The following KRABD5 variants were observed in gnomAD, a reference collection of about 807,000 sequenced individuals.
The protein encoded by KRABD5 is KRAB domain-containing protein 5.
the KRABD5 span, among the ~76,000 whole-genome samples, chr16:31,753,020 T>C: frequency 1.3e-5 from 2 of 152,322 alleles, no homozygotes; most frequent in Non-Finnish European, 2.9e-5. Flanking sequence ...GTTACTTTGA[T>C]GTCTTGTGAT....
the KRABD5 span, among the ~76,000 whole-genome samples, chr16:31,735,001 G>C: frequency 6.6e-6 from 1 of 151,908 alleles, no homozygotes; most frequent in Non-Finnish European, 1.5e-5. Flanking sequence ...CACCCCTCTT[G>C]GCCTCGCAAA....
the KRABD5 span, among the ~76,000 whole-genome samples, chr16:31,749,969 A>C: frequency 6.6e-6 from 1 of 152,188 alleles, no homozygotes; most frequent in African/African-American, 2.4e-5. Flanking sequence ...AAGTTGGATA[A>C]TGTGAAGCCT....
the KRABD5 span, chr16:31,723,340 A>T: frequency 1.2e-6 from 2 of 1,612,694 alleles, no homozygotes; most frequent in East Asian, 2.2e-5. Context: ...CAGAGACAGT[A>T]GCCATCCAGC....
the KRABD5 span, among the ~76,000 whole-genome samples, chr16:31,730,182 GT>G: frequency 1.3e-5 from 2 of 150,974 alleles, no homozygotes; most frequent in Non-Finnish European, 2.9e-5. Flanking sequence ...ATTCCCTTTA[GT>G]CGTTTAGCAT....
At chr16:31,757,265 G>A in the KRABD5 span, 1 of 152,224 alleles carries the variant, frequency 6.6e-6, no homozygotes, top group South Asian at 2.1e-4. Context: ...TCAGGAGTTT[G>A]AGACCAGCCT....
the KRABD5 span, chr16:31,754,757 A>G: frequency 4.3e-6 from 2 of 461,136 alleles, no homozygotes; most frequent in South Asian, 1.6e-5. Flanking sequence ...GTCAAGTCTA[A>G]GAAAACATAA....
At chr16:31,735,386 A>T in the KRABD5 span, among the ~76,000 whole-genome samples, 1 of 152,284 alleles carries the variant, frequency 6.6e-6, no homozygotes, top group East Asian at 1.9e-4. Flanking sequence ...GAATGCAGCT[A>T]TGTTTTTGAC....
the KRABD5 span, among the ~76,000 whole-genome samples, chr16:31,715,490 G>A: frequency 6.6e-6 from 1 of 152,154 alleles, no homozygotes; most frequent in East Asian, 1.9e-4. Flanking sequence ...TCTTCCATTA[G>A]GCTGAGTTGT....
chr16:31,728,499 A>T, the KRABD5 span, among the ~76,000 whole-genome samples: 3 of 151,176 alleles, frequency 2.0e-5, no homozygotes, highest in East Asian at 5.8e-4. Context: ...TTCCAATTTC[A>T]TTTGTCTCAG....
chr16:31,725,550 A>G, the KRABD5 span, among the ~76,000 whole-genome samples: 3 of 152,226 alleles, frequency 2.0e-5, no homozygotes, highest in Admixed American at 1.3e-4. Context: ...CACCAATGGC[A>G]TACAACGTTT....
the KRABD5 span, among the ~76,000 whole-genome samples, chr16:31,752,446 G>A: frequency 6.6e-5 from 10 of 152,106 alleles, no homozygotes; most frequent in Admixed American, 3.3e-4. Context: ...TATGAATCTC[G>A]GTGCTCCGAA....
chr16:31,757,863 TAGATAGA>T, the KRABD5 span: 1 of 149,812 alleles, frequency 6.7e-6, no homozygotes, highest in East Asian at 2.0e-4. Flanking sequence ...GATAGATAGA[TAGATAGA>T]TAGATAGATA....
chr16:31,721,858 G>GCAGCCC, the KRABD5 span, among the ~76,000 whole-genome samples: 6 of 152,160 alleles, frequency 3.9e-5, no homozygotes, highest in Non-Finnish European at 5.9e-5. Context: ...ATGCGGAAAC[G>GCAGCCC]CAGCCCCAGC....
At chr16:31,715,046 G>A in the KRABD5 span, among the ~76,000 whole-genome samples, 1 of 152,070 alleles carries the variant, frequency 6.6e-6, no homozygotes, top group Admixed American at 6.6e-5. Context: ...AGGTGGGAGG[G>A]GAAGGGCACG....
chr16:31,719,197 A>G, the KRABD5 span, among the ~76,000 whole-genome samples: 6 of 152,348 alleles, frequency 3.9e-5, no homozygotes, highest in South Asian at 1.2e-3. Context: ...GCACGGAGGT[A>G]TACAGGGAAC....
the KRABD5 span, among the ~76,000 whole-genome samples, chr16:31,747,821 A>G: frequency 1.3e-5 from 2 of 152,090 alleles, no homozygotes; most frequent in African/African-American, 4.8e-5. Context: ...TCCTTTGCCC[A>G]CTTTTTGATG....
At chr16:31,753,048 CAAGT>C in the KRABD5 span, among the ~76,000 whole-genome samples, 1 of 152,024 alleles carries the variant, frequency 6.6e-6, no homozygotes, top group Non-Finnish European at 1.5e-5. Flanking sequence ...ATATTTTGAT[CAAGT>C]AAGAGACAGC....
chr16:31,729,365 G>A, the KRABD5 span, among the ~76,000 whole-genome samples: 1 of 152,356 alleles, frequency 6.6e-6, no homozygotes, highest in East Asian at 1.9e-4. Context: ...AAGGCAGAGA[G>A]CATGACACTG....
chr16:31,729,492 A>G, the KRABD5 span, among the ~76,000 whole-genome samples: 1 of 152,204 alleles, frequency 6.6e-6, no homozygotes, highest in Non-Finnish European at 1.5e-5. Context: ...TGTGATAAGG[A>G]CATTAATACA....
Sources: gnomAD v4.1 joint callset for allele counts (sites outside exome capture counted in the v4.1 genomes callset) on GRCh38, gnomAD v4.1.1 for gene constraint, MANE v1.5 for transcripts, NCBI Gene and HGNC (gene_info 2026-07-23, HGNC 2026-07-21) for gene names.